Variants in MYH14 observed in about 807,000 individuals in gnomAD.
MYH14 encodes the protein myosin heavy chain 14, also known as myosin-14.
Under a neutral mutation model 255.5 loss-of-function variants are expected in MYH14, and 123 were observed. The ratio of observed to expected loss-of-function variants is 0.48; its 90% confidence interval spans 0.42 to 0.56. The LOEUF (loss-of-function observed/expected upper bound fraction) is 0.56. Among genes scored for constraint, MYH14 ranks in the 20% least tolerant of loss-of-function variants. MYH14 has a pLI of 0.00. For synonymous variants in MYH14, 1,095 were observed against 1,161.2 expected (o/e 0.94, Z 1.16); for missense variants, 2,423 against 2,802.3 (o/e 0.86, Z 3.06).
intron 40 of MYH14, 74 bp downstream of exon 40, chr19:50,301,943 A>G: frequency 8.1e-7 from 1 of 1,230,358 alleles, no homozygotes; most frequent in Non-Finnish European, 1.2e-6. Context: ...AGGCTGTGTT[A>G]CAAACACGTG....
Position 50,276,156 on chromosome 19 carries a change from C to T in MYH14, c.3633C>T (p.Gly1211=), listed in dbSNP as rs367808374. 7 of 1,567,280 alleles carry T rather than the reference C, an allele frequency of 4.5e-6. No homozygotes were observed. The highest frequency in any genetic ancestry group is 2.4e-5 in the East Asian group (1 of 42,276). ...DLGEELEALR[G]ELEDTLDSTN... is the part of the protein sequence containing the mutation. ...GCGAGGAGCTGGAGGCGCTGCGGGG[C>T]GAGCTGGAGGACACGCTGGACTCCA... Residue 1211 remains glycine (G), a synonymous_variant, in exon 28 of 43, where the codon GGC becomes GGT. Coordinates refer to ENST00000642316, the MANE Select transcript of MYH14 (RefSeq NM_001145809.2). This position sits in a 1 kb window ranked among gnomAD's most constrained non-coding sequence, Gnocchi z 4.3.
intron 3 of MYH14, among the ~76,000 whole-genome samples, chr19:50,222,522 A>C (rs2032887089): frequency 6.7e-6 from 1 of 150,068 alleles, no homozygotes; most frequent in Non-Finnish European, 1.5e-5. Context: ...TTATTCTAGT[A>C]CTGATTCAAT....
chr19:50,269,998 A>G (rs1471632578), intron 24 of MYH14, among the ~76,000 whole-genome samples: 2 of 152,172 alleles, frequency 1.3e-5, no homozygotes, highest in Admixed American at 1.3e-4. Flanking sequence ...GGATCTCTTA[A>G]GCCCAGAGGT....
At chr19:50,304,656 G>A (rs2036598842) in intron 40 of MYH14, among the ~76,000 whole-genome samples, 1 of 152,144 alleles carries the variant, frequency 6.6e-6, no homozygotes. Flanking sequence ...GACGTACCAT[G>A]GAAGTATGTC....
intron 12 of MYH14, among the ~76,000 whole-genome samples, chr19:50,247,455 A>G (rs767574369): frequency 9.2e-5 from 14 of 151,770 alleles, no homozygotes; most frequent in South Asian, 2.1e-4. Context: ...AGCGAGCTGT[A>G]ATTGCGCCAC....
rs1399893097 is a variant in MYH14, at chr19:50,206,983, CAGG to C, written c.-4+3317_-4+3319del. Among the ~76,000 whole-genome samples the C allele has an allele frequency of 2.9e-5, 4 of 137,762 alleles. No individual in the cohort carries two copies. In the East Asian group the frequency reaches 9.0e-4, roughly 31 times the overall value. The allele number at this position is 137,762 out of a possible 152,430, so 90.4% of individuals were successfully genotyped here. A position where few individuals can be genotyped will look rare whatever the true frequency, so the allele number is the denominator to read the frequency against. ...AATCCCAGCACTGTGGAGGCCAAAG[CAGG>C]AGGATCACTTGAGCCCAGGAGTTTG... On this transcript the variant is annotated intron_variant, in intron 1 of 42. Transcript: ENST00000642316.
At chr19:50,260,831 GCA>G (rs757785465) in intron 20 of MYH14, 116 bp downstream of exon 20, 59 of 773,126 alleles carry the variant, frequency 7.6e-5, no homozygotes, top group Non-Finnish European at 1.0e-4. Context: ...AAGTGTGTGT[GCA>G]TGCACGTGTG....
chr19:50,251,569 C>CATATATATATAT (rs1319522599), intron 15 of MYH14, among the ~76,000 whole-genome samples: 1 of 121,092 alleles, frequency 8.3e-6, no homozygotes, highest in Admixed American at 8.2e-5. Flanking sequence ...CACACACACA[C>CATATATATATAT]ATATATATAT....
At chr19:50,277,037 T>C (rs1343664102) in intron 29 of MYH14, 136 bp downstream of exon 29, 7 of 652,714 alleles carry the variant, frequency 1.1e-5, no homozygotes, top group Admixed American at 8.5e-5. Flanking sequence ...TTCATGTGCA[T>C]CTTTCATTCA....
chr19:50,277,403 C>T (rs2035549161), intron 29 of MYH14, among the ~76,000 whole-genome samples: 1 of 151,846 alleles, frequency 6.6e-6, no homozygotes, highest in South Asian at 2.1e-4. Context: ...GCCAGGAGTT[C>T]GAGACCAGCC....
At chr19:50,238,040 G>A (rs2033737196) in intron 10 of MYH14, among the ~76,000 whole-genome samples, 1 of 152,196 alleles carries the variant, frequency 6.6e-6, no homozygotes, top group Admixed American at 6.5e-5. Context: ...AGCATTTGGG[G>A]CCAATCAAGG....
Position 50,266,150 on chromosome 19 carries a change from C to A in MYH14, c.2695-727C>A, listed in dbSNP as rs147604704. 6.6e-6 allele frequency among the ~76,000 whole-genome samples: 1 copy of A among 152,182 alleles called. No individual in the cohort carries two copies. Among genetic ancestry groups the A allele is most frequent in the Non-Finnish European group, 1.5e-5 (1 of 68,040 alleles). On this transcript the variant is annotated intron_variant, in intron 22 of 42. Coordinates refer to ENST00000642316, the MANE Select transcript of MYH14 (RefSeq NM_001145809.2). The surrounding 1 kb of genome is among the most constrained non-coding windows in gnomAD (Gnocchi z 4.1). Reference sequence around the variant, plus strand: ...CAGAGCAGATCTCACTTAGCAAGGGCGACGAGGTTTTGTGAAATTTTTGTT... The same window carrying A: ...CAGAGCAGATCTCACTTAGCAAGGGAGACGAGGTTTTGTGAAATTTTTGTT...
intron 10 of MYH14, among the ~76,000 whole-genome samples, chr19:50,240,362 T>C (rs757978389): frequency 2.0e-5 from 3 of 152,130 alleles, no homozygotes; most frequent in Non-Finnish European, 4.4e-5. Context: ...GAGAATCGCT[T>C]GAGCCGGGGA....
intron 12 of MYH14, 89 bp from the exon 13 acceptor site, chr19:50,248,898 G>T: frequency 6.9e-7 from 1 of 1,442,830 alleles, no homozygotes. Context: ...TAAGGGGGAC[G>T]AGCTGGGGGC....
intron 19 of MYH14, 112 bp downstream of exon 19, chr19:50,259,377 G>C: frequency 1.5e-6 from 2 of 1,376,918 alleles, no homozygotes; most frequent in Non-Finnish European, 2.0e-6. Context: ...TCTGCGCTGG[G>C]GAAGTTGAGG....
At position 50,309,743 on chromosome 19, in the gene MYH14, G is replaced by A. The variant is rs774733507; in HGVS notation, c.6064G>A (p.Gly2022Arg). The change falls in exon 43 of 43, where the codon GGG becomes AGG. Residue 2022 changes from glycine (G) to arginine (R), a missense_variant. Gly to Arg is a moderately radical substitution (Grantham distance 125, BLOSUM62 -2). This residue lies in a region of MYH14 where 1,513 missense variants were observed against 1,674.8 expected (regional missense o/e 0.90). Transcript: ENST00000642316. ...GGCAGAGGAAGCACAGCCTGGGTCT[G>A]GGCCATCCCCGGAGCCTGAGGGGTC... ...EEAEEAQPGS[G>R]PSPEPEGSPP... The A allele has an allele frequency of 1.3e-6, 2 of 1,594,946 alleles. No homozygotes were observed. The highest frequency in any genetic ancestry group is 1.7e-6 in the Non-Finnish European group (2 of 1,171,294).
In MYH14 at chr19:50,271,914, G is replaced by T. The variant is rs370658125; in HGVS notation, c.3237G>T (p.Lys1079Asn). The change falls in exon 26 of 43, where the codon AAG becomes AAT. Residue 1079 changes from lysine to asparagine, a missense_variant. Physicochemically the swap from Lys to Asn is moderately conservative, Grantham distance 94. Coordinates refer to ENST00000642316, the MANE Select transcript of MYH14 (RefSeq NM_001145809.2). The part of the protein sequence containing the change: ...FSSQAAEEEE[K>N]VKSLNKLRLK... ...CCCAGGCAGCTGAGGAGGAGGAGAA[G>T]GTCAAGAGCCTCAATAAGCTACGGC... 253 of 1,612,862 alleles carry T rather than the reference G, an allele frequency of 1.6e-4. No homozygotes were observed. Among genetic ancestry groups the T allele is most frequent in the Non-Finnish European group, 2.1e-4 (242 of 1,179,636 alleles).
Position 50,283,070 on chromosome 19 carries a change from T to C in MYH14, c.4539+1228T>C, listed in dbSNP as rs1371643630. ...ATTTTTGGCATCTTCTGGAATTTTATATAAATTATTTTCACATAAATCTCT... is the reference window on the plus strand; with the variant it reads ...ATTTTTGGCATCTTCTGGAATTTTACATAAATTATTTTCACATAAATCTCT... On this transcript the variant is annotated intron_variant, in intron 33 of 42. Coordinates refer to ENST00000642316, the MANE Select transcript of MYH14 (RefSeq NM_001145809.2). 2.6e-5 allele frequency among the ~76,000 whole-genome samples: 4 copies of C among 152,168 alleles called. No homozygotes were observed. In the South Asian group the frequency reaches 8.3e-4, roughly 32 times the overall value.
chr19:50,271,311 G>A (rs761607406), intron 24 of MYH14, 98 bp from the exon 25 acceptor site: 25 of 1,316,024 alleles, frequency 1.9e-5, no homozygotes, highest in African/African-American at 2.9e-5. Flanking sequence ...ACCACAAGCC[G>A]CGGGGATCCG....
Sources: gnomAD v4.1 joint callset for allele counts (sites outside exome capture counted in the v4.1 genomes callset) on GRCh38, gnomAD v4.1.1 for gene constraint, gnomAD v4.1.1 regional missense constraint, Gnocchi (gnomAD v3.1) non-coding constraint, MANE v1.5 for transcripts, NCBI Gene and HGNC (gene_info 2026-07-23, HGNC 2026-07-21) for gene names.